Variants in RBFOX3 observed in about 807,000 individuals in gnomAD.
RBFOX3 encodes the protein RNA binding fox-1 homolog 3.
In RBFOX3, 17 loss-of-function variants were observed where a neutral mutation model predicts 48.7. The observed-to-expected ratio is 0.35, with a 90% CI of 0.24 to 0.52. RBFOX3 has a LOEUF of 0.52. Among genes scored for constraint, RBFOX3 ranks in the 20% least tolerant of loss-of-function variants. The pLI is 0.94. For synonymous variants in RBFOX3, 212 were observed against 209.5 expected (o/e 1.01, Z -0.10); for missense variants, 382 against 497.5 (o/e 0.77, Z 2.21).
At chr17:79,231,923 A>G (rs1199244159) in intron 4 of RBFOX3, among the ~76,000 whole-genome samples, 3 of 152,232 alleles carry the variant, frequency 2.0e-5, no homozygotes, top group African/African-American at 7.2e-5. Context: ...TTTATAAAGG[A>G]AAGAGGTTTA....
chr17:79,372,353 C>T (rs2058677312), intron 2 of RBFOX3, among the ~76,000 whole-genome samples: 1 of 131,730 alleles, frequency 7.6e-6, no homozygotes, highest in Non-Finnish European at 1.6e-5. Flanking sequence ...CTCCCAGGTC[C>T]TACAGGCCCC....
the RBFOX3 span, among the ~76,000 whole-genome samples, chr17:79,626,948 C>T: frequency 2.0e-5 from 3 of 152,320 alleles, no homozygotes; most frequent in East Asian, 1.9e-4. Context: ...TATGTCTTAA[C>T]GGAAACACCA....
chr17:79,639,480 G>A, the RBFOX3 span, among the ~76,000 whole-genome samples: 1 of 152,124 alleles, frequency 6.6e-6, no homozygotes, highest in African/African-American at 2.4e-5. Context: ...CCAGCCCCAA[G>A]CTAATTTTAT....
At chr17:79,191,095 C>G (rs2054429703) in intron 4 of RBFOX3, among the ~76,000 whole-genome samples, 2 of 152,236 alleles carry the variant, frequency 1.3e-5, no homozygotes, top group Non-Finnish European at 2.9e-5. Flanking sequence ...TCTGAGCTGA[C>G]CCCTGGGTAG....
In RBFOX3 at chr17:79,405,751, C is replaced by T. The variant is rs115677436; in HGVS notation, c.-175+76703G>A. Among the ~76,000 whole-genome samples, 202 of 152,262 alleles carry T rather than the reference C, an allele frequency of 1.3e-3. 2 individuals carry two copies. The highest frequency in any genetic ancestry group is 4.5e-3 in the African/African-American group (188 of 41,548). ...CAAAAACAAGAAAGAGAAAAAGAAA[C>T]GCATGAATCTGCAAATGCACACAGC... On this transcript the variant is annotated intron_variant, in intron 2 of 14. Coordinates refer to ENST00000693108, the MANE Select transcript of RBFOX3 (RefSeq NM_001350451.2).
intron 8 of RBFOX3, among the ~76,000 whole-genome samples, chr17:79,102,213 T>C (rs1329956074): frequency 1.3e-5 from 2 of 152,142 alleles, no homozygotes; most frequent in African/African-American, 4.8e-5. Context: ...TCCACACATA[T>C]GCCTGGGTGA....
intron 2 of RBFOX3, among the ~76,000 whole-genome samples, chr17:79,401,623 T>G (rs1439744708): frequency 6.6e-6 from 1 of 152,180 alleles, no homozygotes; most frequent in Non-Finnish European, 1.5e-5. Context: ...ACTCCAGTAT[T>G]CCGCAGCTCA....
At chr17:79,164,745 C>T (rs556350541) in intron 4 of RBFOX3, among the ~76,000 whole-genome samples, 47 of 152,314 alleles carry the variant, frequency 3.1e-4, no homozygotes, top group African/African-American at 9.9e-4. Flanking sequence ...GCCTCACCCG[C>T]GTGGTGGCTG....
At chr17:79,546,824 C>T (rs1323598356) in intron 1 of RBFOX3, among the ~76,000 whole-genome samples, 3 of 151,940 alleles carry the variant, frequency 2.0e-5, no homozygotes, top group African/African-American at 7.3e-5. Flanking sequence ...TATACACCAC[C>T]ACACCCGGCT....
At chr17:79,222,609 G>T (rs1395680139) in intron 4 of RBFOX3, among the ~76,000 whole-genome samples, 1 of 152,178 alleles carries the variant, frequency 6.6e-6, no homozygotes, top group East Asian at 1.9e-4. Flanking sequence ...TTGAGCTTTG[G>T]GCTCAGAAAG....
rs778499146 is a variant in RBFOX3 at position 79,272,714 on chromosome 17, C to T, written c.-74+35010G>A. ...TTTTGCTCAGTTCCAGCTCTGTCAT[C>T]GCAGATAATTGTGTCACCTGGCACG... On this transcript the variant is annotated intron_variant, in intron 3 of 14. Coordinates refer to ENST00000693108, the MANE Select transcript of RBFOX3 (RefSeq NM_001350451.2). 1.1e-4 allele frequency among the ~76,000 whole-genome samples: 16 copies of T among 152,312 alleles called. No individual in the cohort carries two copies. The East Asian group carries it at 2.3e-3, about 22-fold the overall frequency.
At chr17:79,484,129 A>AT (rs1297757843) in intron 1 of RBFOX3, among the ~76,000 whole-genome samples, 1 of 152,158 alleles carries the variant, frequency 6.6e-6, no homozygotes, top group Non-Finnish European at 1.5e-5. Context: ...GTCTCCCTGA[A>AT]TCCCCCCCAC....
At chr17:79,218,850 C>A (rs1384610731) in intron 4 of RBFOX3, among the ~76,000 whole-genome samples, 1 of 152,216 alleles carries the variant, frequency 6.6e-6, no homozygotes, top group Non-Finnish European at 1.5e-5. Context: ...CCGGGCACAT[C>A]CTTGCCCCAA....
chr17:79,425,201 C>T (rs530457879), intron 2 of RBFOX3, among the ~76,000 whole-genome samples: 133 of 152,316 alleles, frequency 8.7e-4, no homozygotes, highest in African/African-American at 3.0e-3. Context: ...GGCCACCGCA[C>T]CCTGCAAACC....
intron 5 of RBFOX3, among the ~76,000 whole-genome samples, chr17:79,109,073 A>G (rs2077997125): frequency 1.3e-5 from 2 of 152,314 alleles, no homozygotes; most frequent in South Asian, 2.1e-4. Flanking sequence ...TGCTGTCCCA[A>G]TTCCGACAAG....
At chr17:79,137,839 C>G (rs1018660058) in intron 4 of RBFOX3, among the ~76,000 whole-genome samples, 6 of 152,216 alleles carry the variant, frequency 3.9e-5, no homozygotes, top group African/African-American at 1.4e-4. Flanking sequence ...GCCTTCTCAG[C>G]ACAAAGCGGG....
At position 79,103,329 on chromosome 17, in the gene RBFOX3, G is replaced by A. The variant is rs1599431048; in HGVS notation, c.415-75C>T. 5 of 976,948 alleles carry A rather than the reference G, an allele frequency of 5.1e-6. No individual in the cohort carries two copies. Among genetic ancestry groups the A allele is most frequent in the Middle Eastern group, 2.1e-4 (1 of 4,800 alleles). The allele number at this position is 976,948 out of a possible 1,614,324, so 60.5% of individuals were successfully genotyped here. On this transcript the variant is annotated intron_variant, in intron 7 of 14. Transcript: ENST00000693108. The surrounding 1 kb of genome is among the most constrained non-coding windows in gnomAD (Gnocchi z 6.1). ...CGAGAAAGAGGAGGAAGACGAGGAA[G>A]AAGAGGAGTGGGAGGGGGGCAGGGG...
intron 2 of RBFOX3, among the ~76,000 whole-genome samples, chr17:79,440,402 C>T (rs908741520): frequency 1.4e-4 from 22 of 152,110 alleles, no homozygotes; most frequent in African/African-American, 2.2e-4. Flanking sequence ...ACCAGGGGCC[C>T]GAGTGACTTG....
At chr17:79,558,344 T>C (rs1305380707) in intron 1 of RBFOX3, among the ~76,000 whole-genome samples, 1 of 152,184 alleles carries the variant, frequency 6.6e-6, no homozygotes, top group Non-Finnish European at 1.5e-5. Context: ...TCTCCCGCCC[T>C]GTGTGCATGA....
Sources: gnomAD v4.1 joint callset for allele counts (sites outside exome capture counted in the v4.1 genomes callset) on GRCh38, gnomAD v4.1.1 for gene constraint, Gnocchi (gnomAD v3.1) non-coding constraint, MANE v1.5 for transcripts, NCBI Gene and HGNC (gene_info 2026-07-23, HGNC 2026-07-21) for gene names.